The following IGSF9 variants were observed in gnomAD, a reference collection of about 807,000 sequenced individuals.
IGSF9 encodes protein turtle homolog A.
IGSF9 carries 87 observed loss-of-function variants against 121.7 expected under a neutral mutation model. That is an observed-to-expected ratio of 0.71 (90% confidence interval 0.60 to 0.85). The LOEUF (loss-of-function observed/expected upper bound fraction) is 0.85, where lower values mean the gene tolerates loss of function less well. IGSF9 is among the 40% of genes least tolerant of loss of function. The pLI is 0.00. For synonymous variants in IGSF9, 640 were observed against 648.4 expected, an observed-to-expected ratio of 0.99 and a Z score of 0.20; for missense variants, 1,462 against 1,565.3, an observed-to-expected ratio of 0.93 and a Z score of 1.11.
Position 159,929,679 on chromosome 1 carries a change from C to T in IGSF9, c.2285G>A (p.Arg762Gln), listed in dbSNP as rs35590482. ...GCGGCGGCGGCGGGCAGCCCTGCGCCGGTTCAGGAGGCAGCCGGCCAGGAT... is the reference window on the plus strand; with the variant it reads ...GCGGCGGCGGCGGGCAGCCCTGCGCTGGTTCAGGAGGCAGCCGGCCAGGAT... ...VSILAGCLLN[R>Q]RRAARRRRKR... is the part of the protein sequence containing the mutation. The change falls in exon 17 of 21, where the codon CGG (arginine) becomes CAG (glutamine). Residue 762 changes from arginine to glutamine, a missense_variant. Coordinates refer to ENST00000368094, the MANE Select transcript of IGSF9 (RefSeq NM_001135050.2). 6.3e-7 allele frequency: 1 copy of T among 1,596,668 alleles called. No homozygotes were observed. Among genetic ancestry groups the T allele is most frequent in the South Asian group, 1.1e-5 (1 of 88,334 alleles).
rs1650926480 is a variant in IGSF9 at position 159,929,955 on chromosome 1, G to A, written c.2085C>T (p.Arg695=). ...GLIKDVLYEF[R]LVAFAGSFVS... Reference sequence around the variant, plus strand: ...CGAAGCTGCCCGCGAAGGCCACGAGGCGGAACTCGTAGAGAACATCCTGCG... The same window carrying A: ...CGAAGCTGCCCGCGAAGGCCACGAGACGGAACTCGTAGAGAACATCCTGCG... Residue 695 remains arginine, a synonymous_variant, in exon 16 of 21, where the codon CGC becomes CGT. Coordinates refer to ENST00000368094, the MANE Select transcript of IGSF9 (RefSeq NM_001135050.2). 1 of 1,586,040 alleles carries A rather than the reference G, an allele frequency of 6.3e-7. No individual in the cohort carries two copies. The highest frequency in any genetic ancestry group is 8.6e-7 in the Non-Finnish European group (1 of 1,166,928).
At chr1:159,927,980 T>G (rs1432971762) in intron 19 of IGSF9, 93 bp from the exon 20 acceptor site, 1 of 1,519,018 alleles carries the variant, frequency 6.6e-7, no homozygotes, top group Non-Finnish European at 8.9e-7. Flanking sequence ...CAAACTCACG[T>G]TAGGTCATGG....
intron 18 of IGSF9, 92 bp from the exon 19 acceptor site, chr1:159,929,110 G>A (rs555607291): frequency 1.4e-6 from 2 of 1,451,716 alleles, no homozygotes; most frequent in South Asian, 2.8e-5. Context: ...GTGAACAACA[G>A]AGCAGAGCTA....
chr1:159,927,412 G>C lies in IGSF9; in HGVS notation c.3473C>G (p.Ala1158Gly). 2 of 1,614,084 alleles carry C rather than the reference G, an allele frequency of 1.2e-6. No homozygotes were observed. The highest frequency in any genetic ancestry group is 1.7e-6 in the Non-Finnish European group (2 of 1,180,032). Residue 1158 changes from alanine to glycine, a missense_variant, in exon 21 of 21, where the codon GCT becomes GGT. Coordinates refer to ENST00000368094, the MANE Select transcript of IGSF9 (RefSeq NM_001135050.2). ...EFLAFRRRRD[A>G]TRARLPAYRQ... ...ATAGGCTGGTAGCCGAGCCCTAGTA[G>C]CATCTCGGCGGCGGCGGAAGGCCAG... is the stretch of plus-strand genomic sequence containing the variant.
At chr1:159,930,011 G>GGCCCAGCACC in intron 15 of IGSF9, 36 bp from the exon 16 acceptor site, 1 of 1,588,108 alleles carries the variant, frequency 6.3e-7, no homozygotes, top group Non-Finnish European at 8.6e-7. Flanking sequence ...GGGAGGTCAG[G>GGCCCAGCACC]GCCCAGCACC....
intron 18 of IGSF9, 148 bp downstream of exon 18, chr1:159,929,203 G>T (rs1650878878): frequency 7.8e-7 from 1 of 1,287,380 alleles, no homozygotes; most frequent in African/African-American, 1.5e-5. Context: ...TCAGGCTGGG[G>T]CCACTGCACA....
rs1418246510 is a variant in IGSF9, at chr1:159,929,666, G to A, written c.2298C>T (p.Ala766=). 2 of 1,594,814 alleles carry A rather than the reference G, an allele frequency of 1.3e-6. No individual in the cohort carries two copies. The highest frequency in any genetic ancestry group is 1.7e-6 in the Non-Finnish European group (2 of 1,172,418). The change falls in exon 17 of 21, where the codon GCC becomes GCT. Residue 766 remains alanine, a synonymous_variant. Coordinates refer to ENST00000368094, the MANE Select transcript of IGSF9 (RefSeq NM_001135050.2). ...AGCLLNRRRA[A]RRRRKRLRQD... ...GGCGGAGGCGCTTGCGGCGGCGGCG[G>A]GCAGCCCTGCGCCGGTTCAGGAGGC...
At chr1:159,937,387 C>T (rs923307170) in intron 4 of IGSF9, among the ~76,000 whole-genome samples, 1 of 149,246 alleles carries the variant, frequency 6.7e-6, no homozygotes, top group Non-Finnish European at 1.5e-5. Flanking sequence ...CCAAGAGCCC[C>T]TCTCTCCCAC....
rs1557931083 is a variant in IGSF9 at position 159,929,790 on chromosome 1, GTGCGC to G, written c.2169_2173del (p.Arg724AlafsTer74). Reference sequence around the variant, plus strand: ...CTGAGGCAGGAGGCCCGGCAGCTGCGTGCGCGAAGGGTAGACCTCCAGACCTAGGC... The same window carrying G: ...CTGAGGCAGGAGGCCCGGCAGCTGCGGAAGGGTAGACCTCCAGACCTAGGC... On this transcript the variant is annotated frameshift_variant, in exon 17 of 21. Coordinates refer to ENST00000368094, the MANE Select transcript of IGSF9 (RefSeq NM_001135050.2). LOFTEE classifies it high-confidence loss of function. 1 of 1,605,872 alleles carries G rather than the reference GTGCGC, an allele frequency of 6.2e-7. No homozygotes were observed. Among genetic ancestry groups the G allele is most frequent in the African/African-American group, 1.3e-5 (1 of 74,934 alleles).
chr1:159,932,266 A>C lies in IGSF9; in HGVS notation c.1245+246T>G. On this transcript the variant is annotated intron_variant, in intron 10 of 20. Coordinates refer to ENST00000368094, the MANE Select transcript of IGSF9 (RefSeq NM_001135050.2). The surrounding 1 kb of genome is among the most constrained non-coding windows in gnomAD (Gnocchi z 4.1). ...AGGCAGCACGGTCAAGGTTAGTGAG[A>C]GTTGGGGCAAACAGGATATCTTACT... is the stretch of plus-strand genomic sequence containing the variant. 1.7e-6 allele frequency: 1 copy of C among 587,086 alleles called. No homozygotes were observed. The highest frequency in any genetic ancestry group is 2.0e-5 in the South Asian group (1 of 49,574). 36.4% of individuals were successfully genotyped at this position (587,086 alleles called of 1,614,324 possible).
chr1:159,930,677 C>T lies in IGSF9; in HGVS notation c.1813+15G>A, dbSNP rs778922874. The T allele has an allele frequency of 9.3e-6, 15 of 1,613,762 alleles. No individual in the cohort carries two copies. Among genetic ancestry groups the T allele is most frequent in the African/African-American group, 2.7e-5 (2 of 74,908 alleles). On this transcript the variant is annotated intron_variant, in intron 14 of 20. Transcript: ENST00000368094. ...CATCCTTGTCTCTGCTGTTCTGGGA[C>T]GAGAAGCTTCTCACCTTCCGGAGCA...
chr1:159,928,660 G>T lies in IGSF9; in HGVS notation c.2728C>A (p.Pro910Thr). The T allele has an allele frequency of 6.8e-7, 1 of 1,479,332 alleles. No homozygotes were observed. The highest frequency in any genetic ancestry group is 2.4e-5 in the East Asian group (1 of 41,998). 91.6% of individuals were successfully genotyped at this position (1,479,332 alleles called of 1,614,324 possible). The change falls in exon 19 of 21, where the codon CCA becomes ACA. Residue 910 changes from proline (P) to threonine (T), a missense_variant. This residue lies in a region of IGSF9 where 808 missense variants were observed against 815.2 expected (regional missense o/e 0.99). Transcript: ENST00000368094. ...GGCAAGGGACTGGGTGGGGCTGCTGGAGGGGGTGCCACAGGGCTGATGTCT... is the reference window on the plus strand; with the variant it reads ...GGCAAGGGACTGGGTGGGGCTGCTGTAGGGGGTGCCACAGGGCTGATGTCT... Reference protein sequence around the residue: ...IEDISPVAPPPAAPPSPLPGP... With the variant: ...IEDISPVAPPTAAPPSPLPGP...
chr1:159,927,757 C>G lies in IGSF9; in HGVS notation c.3358+3G>C, dbSNP rs776948238. On this transcript the variant is annotated splice_donor_region_variant and intron_variant, in intron 20 of 20. Coordinates refer to ENST00000368094, the MANE Select transcript of IGSF9 (RefSeq NM_001135050.2). ...TGCCTGCCTTTCCGGGGGGCTCACA[C>G]ACCTAGCTCTGGCTCAGCTTCAGGT... 2.5e-6 allele frequency: 4 copies of G among 1,612,096 alleles called. No individual in the cohort carries two copies. The South Asian group carries it at 4.4e-5, about 18-fold the overall frequency.
chr1:159,929,822 G>T lies in IGSF9; in HGVS notation c.2150-8C>A. 6 of 1,601,778 alleles carry T rather than the reference G, an allele frequency of 3.7e-6. No individual in the cohort carries two copies. The highest frequency in any genetic ancestry group is 5.1e-6 in the Non-Finnish European group (6 of 1,175,032). ...AAGGGTAGACCTCCAGACCTAGGCAGGGGTCCACGAGGGAGGGTCAGTGGA... is the reference window on the plus strand; with the variant it reads ...AAGGGTAGACCTCCAGACCTAGGCATGGGTCCACGAGGGAGGGTCAGTGGA... On this transcript the variant is annotated splice_region_variant and splice_polypyrimidine_tract_variant and intron_variant, in intron 16 of 20. Coordinates refer to ENST00000368094, the MANE Select transcript of IGSF9 (RefSeq NM_001135050.2).
Position 159,932,917 on chromosome 1 carries a change from A to T in IGSF9, c.1105-265T>A. 2.7e-6 allele frequency: 1 copy of T among 367,748 alleles called. No homozygotes were observed. 22.8% of individuals were successfully genotyped at this position (367,748 alleles called of 1,614,324 possible). ...ATACACTGTGAATGGCCACCCCTGT[A>T]GTTGGGCCGCGTGGGGCTTCCTGCC... On this transcript the variant is annotated intron_variant, in intron 9 of 20. Transcript: ENST00000368094. This position sits in a 1 kb window ranked among gnomAD's most constrained non-coding sequence, Gnocchi z 4.1.
In IGSF9 at chr1:159,937,279, C is replaced by T. The variant is rs191332046; in HGVS notation, c.401-371G>A. 2.0e-5 allele frequency among the ~76,000 whole-genome samples: 3 copies of T among 152,278 alleles called. No individual in the cohort carries two copies. The East Asian group carries it at 5.8e-4, about 29-fold the overall frequency. On this transcript the variant is annotated intron_variant, in intron 4 of 20. Transcript: ENST00000368094. ...AATGGGAATGATTATGACCTCCTTC[C>T]TACTTAGGAGTGAGAGATAAATAAT...
chr1:159,931,139 G>A lies in IGSF9; in HGVS notation c.1636C>T (p.Leu546=), dbSNP rs1206094321. ...LQRFSVWYTP[L]AKRPDRMHHD... ...AAATGGCAGGAGCAGGTCACTCACA[G>A]TGGGGTGTACCAGACACTGAATCTC... Residue 546 remains leucine, a splice_region_variant and synonymous_variant, in exon 13 of 21, where the codon CTG becomes TTG. Coordinates refer to ENST00000368094, the MANE Select transcript of IGSF9 (RefSeq NM_001135050.2). This position sits in a 1 kb window ranked among gnomAD's most constrained non-coding sequence, Gnocchi z 4.8. 1 of 1,614,108 alleles carries A rather than the reference G, an allele frequency of 6.2e-7. No individual in the cohort carries two copies. The highest frequency in any genetic ancestry group is 8.5e-7 in the Non-Finnish European group (1 of 1,179,986).
intron 1 of IGSF9, among the ~76,000 whole-genome samples, chr1:159,945,038 C>G (rs563506604): frequency 6.6e-6 from 1 of 152,118 alleles, no homozygotes; most frequent in African/African-American, 2.4e-5. Context: ...ATTTCCTCAC[C>G]CTTCTAGTCT....
At chr1:159,935,383 A>T (rs769708391) in intron 6 of IGSF9, among the ~76,000 whole-genome samples, 49 of 151,992 alleles carry the variant, frequency 3.2e-4, no homozygotes, top group Non-Finnish European at 5.9e-4. Context: ...AACCCTCCCT[A>T]CGTGGCCAGC....
Sources: gnomAD v4.1 joint callset for allele counts (sites outside exome capture counted in the v4.1 genomes callset) on GRCh38, gnomAD v4.1.1 for gene constraint, gnomAD v4.1.1 regional missense constraint, Gnocchi (gnomAD v3.1) non-coding constraint, MANE v1.5 for transcripts, NCBI Gene and HGNC (gene_info 2026-07-23, HGNC 2026-07-21) for gene names.